TBC1D22A: variants seen among roughly 807,000 people sequenced by gnomAD.
TBC1D22A encodes the protein putative GTPase activator.
Under a neutral mutation model 60.2 loss-of-function variants are expected in TBC1D22A, and 38 were observed. The ratio of observed to expected loss-of-function variants is 0.63; its 90% CI spans 0.49 to 0.83. The LOEUF (loss-of-function observed/expected upper bound fraction) is 0.83. Among genes scored for constraint, TBC1D22A ranks in the 40% least tolerant of loss-of-function variants. The probability of loss-of-function intolerance (pLI) is 0.00; values close to 1 mark genes in which losing one functional copy is unlikely to be tolerated. For missense variants in TBC1D22A, 628 were observed against 701.0 expected (o/e 0.90, Z 1.18); for synonymous variants, 302 against 281.7 (o/e 1.07, Z -0.72).
chr22:46,945,339 C>G (rs539101769), intron 8 of TBC1D22A, among the ~76,000 whole-genome samples: 2 of 152,308 alleles, frequency 1.3e-5, no homozygotes, highest in South Asian at 4.1e-4. Context: ...AATTAGAAGG[C>G]CTGTTTGACC....
intron 4 of TBC1D22A, among the ~76,000 whole-genome samples, chr22:46,853,322 TG>T (rs1171286836): frequency 6.6e-6 from 1 of 152,202 alleles, no homozygotes; most frequent in African/African-American, 2.4e-5. Context: ...TTGGGAACGT[TG>T]AAAGCAGGCG....
intron 11 of TBC1D22A, among the ~76,000 whole-genome samples, chr22:47,103,012 A>G (rs1415992111): frequency 1.3e-5 from 2 of 152,082 alleles, no homozygotes; most frequent in Non-Finnish European, 2.9e-5. Flanking sequence ...AAGGTATTTA[A>G]AAGGAAAGAC....
intron 12 of TBC1D22A, among the ~76,000 whole-genome samples, chr22:47,159,676 T>G (rs1765539208): frequency 6.7e-6 from 1 of 150,124 alleles, no homozygotes; most frequent in Non-Finnish European, 1.5e-5. Flanking sequence ...CACATGCACA[T>G]AGACACGCCA....
chr22:47,128,041 C>CCCA (rs2066535887), intron 12 of TBC1D22A, among the ~76,000 whole-genome samples: 1 of 78,588 alleles, frequency 1.3e-5, no homozygotes, highest in African/African-American at 5.6e-5. Flanking sequence ...CACCCATCCT[C>CCCA]TCCTCCGCCC....
chr22:46,847,948 TGTGTG>T (rs1569125510), intron 4 of TBC1D22A, among the ~76,000 whole-genome samples: 2 of 119,772 alleles, frequency 1.7e-5, no homozygotes, highest in Non-Finnish European at 3.4e-5. Context: ...TGTGTGTGTG[TGTGTG>T]TGCGCGCGCG....
intron 5 of TBC1D22A, among the ~76,000 whole-genome samples, chr22:46,880,870 T>C (rs1208219227): frequency 2.0e-5 from 3 of 151,578 alleles, no homozygotes; most frequent in Non-Finnish European, 4.4e-5. Context: ...GACAGATGAG[T>C]AGGAAATAAA....
intron 4 of TBC1D22A, among the ~76,000 whole-genome samples, chr22:46,873,829 T>G (rs112493276): frequency 4.9e-4 from 74 of 152,018 alleles, no homozygotes; most frequent in Non-Finnish European, 9.1e-4. Flanking sequence ...AGTCTCGCTC[T>G]GTCACCAAGG....
At chr22:47,057,751 C>T (rs918073121) in intron 11 of TBC1D22A, among the ~76,000 whole-genome samples, 7 of 152,176 alleles carry the variant, frequency 4.6e-5, no homozygotes, top group South Asian at 2.1e-4. Flanking sequence ...AAACCATTCC[C>T]GTGATTCAGT....
intron 8 of TBC1D22A, among the ~76,000 whole-genome samples, chr22:46,952,005 C>A (rs17762608): frequency 3.9e-5 from 6 of 152,098 alleles, no homozygotes; most frequent in Admixed American, 6.5e-5. Context: ...CTGTTTGTTA[C>A]GAGTTTTGTA....
intron 11 of TBC1D22A, among the ~76,000 whole-genome samples, chr22:47,040,015 G>A (rs1388857729): frequency 6.9e-6 from 1 of 144,432 alleles, no homozygotes; most frequent in African/African-American, 2.6e-5. Flanking sequence ...TGCGATCTCG[G>A]CCCACTGCAA....
chr22:47,167,525 T>C (rs540373044), intron 12 of TBC1D22A, among the ~76,000 whole-genome samples: 34 of 152,336 alleles, frequency 2.2e-4, no homozygotes, highest in African/African-American at 7.9e-4. Context: ...TCTTTTGCTC[T>C]CGCAGTTTGG....
intron 11 of TBC1D22A, among the ~76,000 whole-genome samples, chr22:47,079,005 A>G (rs1353235665): frequency 6.6e-6 from 1 of 151,780 alleles, no homozygotes; most frequent in Non-Finnish European, 1.5e-5. Context: ...CACCCTGTAT[A>G]TATACGAACA....
At chr22:47,070,554 GTTGGA>G (rs2063946388) in intron 11 of TBC1D22A, among the ~76,000 whole-genome samples, 1 of 151,104 alleles carries the variant, frequency 6.6e-6, no homozygotes, top group African/African-American at 2.4e-5. Flanking sequence ...CTGTTGTTTG[GTTGGA>G]CGCTGTCCCC....
chr22:46,902,746 A>G (rs192840749), intron 7 of TBC1D22A, among the ~76,000 whole-genome samples: 6 of 151,280 alleles, frequency 4.0e-5, no homozygotes, highest in Admixed American at 3.3e-4. Context: ...TTTGACACAC[A>G]AAGTTGTAAT....
At chr22:46,814,044 C>T (rs112395188) in intron 4 of TBC1D22A, among the ~76,000 whole-genome samples, 11,214 of 152,282 alleles carry the variant, frequency 0.074, 582 homozygotes, top group Non-Finnish European at 0.11. Flanking sequence ...GCATAGTCAG[C>T]GCACACCCTG....
intron 4 of TBC1D22A, 101 bp downstream of exon 4, chr22:46,797,721 C>A (rs554631152): frequency 2.4e-6 from 3 of 1,242,212 alleles, no homozygotes; most frequent in Non-Finnish European, 2.2e-6. Flanking sequence ...GTAATGCACA[C>A]GCGTCCGTGT....
chr22:46,796,405 T>G (rs1335214345), intron 3 of TBC1D22A, among the ~76,000 whole-genome samples: 1 of 152,200 alleles, frequency 6.6e-6, no homozygotes, highest in Non-Finnish European at 1.5e-5. Flanking sequence ...ACCTCCTTGC[T>G]CAGCGGCTGC....
At chr22:46,880,628 G>A (rs1329232298) in intron 5 of TBC1D22A, among the ~76,000 whole-genome samples, 1 of 152,110 alleles carries the variant, frequency 6.6e-6, no homozygotes, top group Non-Finnish European at 1.5e-5. Context: ...GGTGGTGGAG[G>A]CCAGACTGCA....
chr22:46,954,330 G>A lies in TBC1D22A; in HGVS notation c.1016-19960G>A, dbSNP rs529753538. Among the ~76,000 whole-genome samples, 7 of 152,384 alleles carry A rather than the reference G, an allele frequency of 4.6e-5. No homozygotes were observed. In the East Asian group the frequency reaches 1.2e-3, roughly 25 times the overall value. ...TTAGATCAGGATTAAGAAACGTGAT[G>A]CGTGTATGTGAGTACTGCGGTCAAC... On this transcript the variant is annotated intron_variant, in intron 8 of 12. Coordinates refer to ENST00000337137, the MANE Select transcript of TBC1D22A (RefSeq NM_014346.5).
Sources: allele counts gnomAD v4.1 joint callset (sites outside exome capture counted in the v4.1 genomes callset), GRCh38; gene constraint gnomAD v4.1.1; transcripts MANE v1.5; gene names NCBI Gene and HGNC (gene_info 2026-07-23, HGNC 2026-07-21).